RIOK3: variants seen among roughly 807,000 people sequenced by gnomAD.
RIOK3 encodes serine/threonine-protein kinase RIO3.
A neutral mutation model predicts 63.5 loss-of-function variants in RIOK3; 40 were observed. The ratio of observed to expected loss-of-function variants is 0.63; its 90% CI spans 0.49 to 0.82. RIOK3 has a LOEUF of 0.82. Ranked by LOEUF, RIOK3 falls within the 40% of genes least tolerant of loss-of-function variation. The pLI, the probability that RIOK3 is intolerant of heterozygous loss-of-function variation, is 0.00. For missense variants in RIOK3, 557 were observed against 637.0 expected (o/e 0.87, Z 1.35); for synonymous variants, 193 against 205.0 (o/e 0.94, Z 0.50).
rs12608006 is a variant in RIOK3 at position 23,455,899 on chromosome 18, G to A, written c.63+2397G>A. ...TGCAACCTCCGCCTCCTGGGTTCAA[G>A]CAATTCTTCTTCCTCAGCCTCCCAA... On this transcript the variant is annotated intron_variant, in intron 1 of 12. Transcript: ENST00000339486. Among the ~76,000 whole-genome samples, 13 of 152,302 alleles carry A rather than the reference G, an allele frequency of 8.5e-5. No individual in the cohort carries two copies. The East Asian group carries it at 2.1e-3, about 25-fold the overall frequency.
intron 1 of RIOK3, among the ~76,000 whole-genome samples, chr18:23,456,978 T>C (rs901256742): frequency 6.6e-6 from 1 of 152,156 alleles, no homozygotes; most frequent in Non-Finnish European, 1.5e-5. Flanking sequence ...TTTAGAAAAT[T>C]TTAGAAAACA....
At chr18:23,475,954 T>A (rs1204530413) in intron 9 of RIOK3, among the ~76,000 whole-genome samples, 2 of 149,090 alleles carry the variant, frequency 1.3e-5, no homozygotes, top group Admixed American at 1.3e-4. Context: ...TTTTTTTTTT[T>A]TTTTTTTTTC....
intron 7 of RIOK3, 48 bp downstream of exon 7, chr18:23,467,574 T>C: frequency 1.9e-6 from 3 of 1,554,988 alleles, no homozygotes; most frequent in Non-Finnish European, 2.6e-6. Context: ...TAGTCTCTTC[T>C]CCCCAAGATT....
intron 9 of RIOK3, among the ~76,000 whole-genome samples, chr18:23,475,941 C>CTTTTTTTT (rs374984418): frequency 1.2e-5 from 1 of 80,024 alleles, no homozygotes; most frequent in Non-Finnish European, 2.4e-5. Flanking sequence ...TTTTTTGGGG[C>CTTTTTTTT]TTTTTTTTTT....
intron 7 of RIOK3, among the ~76,000 whole-genome samples, chr18:23,467,784 A>T (rs2057419884): frequency 6.6e-6 from 1 of 151,142 alleles, no homozygotes. Flanking sequence ...TATTATTATT[A>T]TTATTTTTTG....
At chr18:23,478,153 G>C (rs2057506075) in intron 11 of RIOK3, among the ~76,000 whole-genome samples, 1 of 151,962 alleles carries the variant, frequency 6.6e-6, no homozygotes, top group Non-Finnish European at 1.5e-5. Flanking sequence ...GACATTTAAT[G>C]TGTGCATAGT....
intron 8 of RIOK3, among the ~76,000 whole-genome samples, chr18:23,474,206 A>G (rs1194158884): frequency 6.6e-6 from 1 of 152,098 alleles, no homozygotes; most frequent in Non-Finnish European, 1.5e-5. Context: ...ATTCATATAT[A>G]TCAGTTACAA....
At chr18:23,458,162 C>T (rs2057352768) in intron 1 of RIOK3, among the ~76,000 whole-genome samples, 2 of 151,678 alleles carry the variant, frequency 1.3e-5, no homozygotes, top group Admixed American at 6.6e-5. Flanking sequence ...GCCTCAGCCT[C>T]CCAAAGTGCT....
chr18:23,467,546 T>C lies in RIOK3; in HGVS notation c.815+20T>C, dbSNP rs2057417922. On this transcript the variant is annotated intron_variant, in intron 7 of 12. Coordinates refer to ENST00000339486, the MANE Select transcript of RIOK3 (RefSeq NM_003831.5). The stretch of plus-strand genomic sequence containing the variant: ...AGGGAGGTAAATGAGCAAAATATGA[T>C]ACCATGATATGAAAACTTAGTCTCT... 8 of 1,606,640 alleles carry C rather than the reference T, an allele frequency of 5.0e-6. No individual in the cohort carries two copies. Among genetic ancestry groups the C allele is most frequent in the African/African-American group, 1.3e-5 (1 of 74,754 alleles).
intron 7 of RIOK3, 147 bp from the exon 8 acceptor site, chr18:23,473,282 A>G (rs2057467945): frequency 1.9e-6 from 1 of 528,290 alleles, no homozygotes; most frequent in East Asian, 3.1e-5. Flanking sequence ...AGGCTTTATT[A>G]AGATCCAAAA....
At chr18:23,466,019 T>A in intron 5 of RIOK3, 114 bp from the exon 6 acceptor site, 1 of 683,802 alleles carries the variant, frequency 1.5e-6, no homozygotes, top group Non-Finnish European at 2.3e-6. Context: ...TTTCTGGTTT[T>A]CTAGTGTGAT....
chr18:23,481,467 C>T lies in RIOK3; in HGVS notation c.*188C>T. 2.1e-6 allele frequency: 1 copy of T among 482,790 alleles called. No homozygotes were observed. Among genetic ancestry groups the T allele is most frequent in the Non-Finnish European group, 3.6e-6 (1 of 275,446 alleles). The allele number at this position is 482,790 out of a possible 1,614,324, so 29.9% of individuals were successfully genotyped here. On this transcript the variant is annotated 3_prime_UTR_variant, in exon 13 of 13. Coordinates refer to ENST00000339486, the MANE Select transcript of RIOK3 (RefSeq NM_003831.5). Reference sequence around the variant, plus strand: ...GCTCAGCATTGAGAGAATAAAATGTCACTACCTCTCATCTTATGAACAGGA... The same window carrying T: ...GCTCAGCATTGAGAGAATAAAATGTTACTACCTCTCATCTTATGAACAGGA...
At chr18:23,468,026 C>T (rs1379586283) in intron 7 of RIOK3, among the ~76,000 whole-genome samples, 8 of 152,060 alleles carry the variant, frequency 5.3e-5, no homozygotes, top group African/African-American at 1.9e-4. Flanking sequence ...GATCCACTCG[C>T]CTTGGCCTCC....
intron 2 of RIOK3, among the ~76,000 whole-genome samples, chr18:23,463,591 T>G (rs1401292199): frequency 6.6e-6 from 1 of 152,092 alleles, no homozygotes; most frequent in Non-Finnish European, 1.5e-5. Context: ...GTATTTTTAG[T>G]AGAGATGGGG....
At chr18:23,467,870 G>A (rs1160993098) in intron 7 of RIOK3, among the ~76,000 whole-genome samples, 2 of 152,036 alleles carry the variant, frequency 1.3e-5, no homozygotes, top group African/African-American at 2.4e-5. Context: ...TCTGCCTCCC[G>A]GGTTCAAGCA....
At chr18:23,463,407 T>TTA in intron 2 of RIOK3, 1 of 93,232 alleles carries the variant, frequency 1.1e-5, no homozygotes, top group Non-Finnish European at 2.1e-5. Context: ...CATCCAGACT[T>TTA]TCTTTTTTTT....
chr18:23,462,778 A>G (rs2057380346), intron 1 of RIOK3, among the ~76,000 whole-genome samples, 186 bp from the exon 2 acceptor site: 1 of 152,218 alleles, frequency 6.6e-6, no homozygotes, highest in Admixed American at 6.5e-5. Flanking sequence ...TAGTTTACAT[A>G]TATCCTTGAC....
intron 8 of RIOK3, 80 bp from the exon 9 acceptor site, chr18:23,474,868 C>A: frequency 9.1e-7 from 1 of 1,097,858 alleles, no homozygotes. Flanking sequence ...ATTGCAGGCC[C>A]TGATTAGATA....
intron 8 of RIOK3, 39 bp downstream of exon 8, chr18:23,473,665 T>C (rs755692125): frequency 6.2e-6 from 9 of 1,458,410 alleles, no homozygotes; most frequent in African/African-American, 1.4e-5. Flanking sequence ...CTTGGGTAAA[T>C]ACCTTTTTGC....
Sources: allele counts gnomAD v4.1 joint callset (sites outside exome capture counted in the v4.1 genomes callset), GRCh38; gene constraint gnomAD v4.1.1; transcripts MANE v1.5; gene names NCBI Gene and HGNC (gene_info 2026-07-23, HGNC 2026-07-21).